Variants in DAZAP1 observed in about 807,000 individuals in gnomAD.
DAZAP1 encodes DAZ associated protein 1.
DAZAP1 carries 6 observed loss-of-function variants against 60.1 expected under a neutral mutation model. That is an observed-to-expected ratio of 0.10 (90% CI 0.05 to 0.20). DAZAP1 has a LOEUF of 0.20. Ranked by LOEUF, DAZAP1 falls within the 10% of genes least tolerant of loss-of-function variation. The probability of loss-of-function intolerance (pLI) is 1.00; values close to 1 mark genes in which losing one functional copy is unlikely to be tolerated. For synonymous variants in DAZAP1, 235 were observed against 215.9 expected (o/e 1.09, Z -0.78); for missense variants, 366 against 560.4 (o/e 0.65, Z 3.50).
chr19:1,434,629 C>T lies in DAZAP1; in HGVS notation c.1049-108C>T. On this transcript the variant is annotated intron_variant, in intron 11 of 11. Coordinates refer to ENST00000233078, the MANE Select transcript of DAZAP1 (RefSeq NM_018959.4). The surrounding 1 kb of genome is among the most constrained non-coding windows in gnomAD (Gnocchi z 8.0). ...AGGGCCCCACCCGCACCCCGTGGGA[C>T]CCGTGGACTCAAGGCAGGCTCGGCG... 8.2e-7 allele frequency: 1 copy of T among 1,220,814 alleles called. No individual in the cohort carries two copies. The highest frequency in any genetic ancestry group is 1.2e-6 in the Non-Finnish European group (1 of 854,166). The allele number at this position is 1,220,814 out of a possible 1,614,324, so 75.6% of individuals were successfully genotyped here.
At chr19:1,424,890 C>T (rs1026369263) in intron 6 of DAZAP1, among the ~76,000 whole-genome samples, 1 of 152,194 alleles carries the variant, frequency 6.6e-6, no homozygotes, top group African/African-American at 2.4e-5. Flanking sequence ...TGCGGTGTCA[C>T]GCTCCACCTA....
rs911395987 is a variant in DAZAP1 at position 1,416,005 on chromosome 19, G to A, written c.30-1495G>A. 6.6e-6 allele frequency: 1 copy of A among 152,178 alleles called. No homozygotes were observed. The highest frequency in any genetic ancestry group is 1.5e-5 in the Non-Finnish European group (1 of 68,038). 9.4% of individuals were successfully genotyped at this position (152,178 alleles called of 1,614,324 possible). ...CAGTCGTTCTTAGGGAAAAAAGAAGGAACAGGGACAAGCTCCTGGCGGTTG... is the reference window on the plus strand; with the variant it reads ...CAGTCGTTCTTAGGGAAAAAAGAAGAAACAGGGACAAGCTCCTGGCGGTTG... On this transcript the variant is annotated intron_variant, in intron 1 of 11. Transcript: ENST00000233078. This position sits in a 1 kb window ranked among gnomAD's most constrained non-coding sequence, Gnocchi z 4.3.
intron 10 of DAZAP1, among the ~76,000 whole-genome samples, chr19:1,430,878 G>A (rs1386256465): frequency 4.6e-5 from 7 of 151,390 alleles, no homozygotes; most frequent in African/African-American, 1.5e-4. Context: ...TCGCCACCAC[G>A]CCCGGCTAAT....
chr19:1,413,435 C>G (rs891229761), intron 1 of DAZAP1, among the ~76,000 whole-genome samples: 2 of 152,224 alleles, frequency 1.3e-5, no homozygotes, highest in Non-Finnish European at 2.9e-5. Context: ...ATTAAAACAT[C>G]CTGAGATTCA....
chr19:1,430,431 A>T, intron 10 of DAZAP1, 69 bp downstream of exon 10: 2 of 1,392,056 alleles, frequency 1.4e-6, no homozygotes, highest in Non-Finnish European at 1.9e-6. Context: ...GGGCGGGGTG[A>T]TGGGGAGTCT....
At chr19:1,429,391 T>C (rs1437629296) in intron 8 of DAZAP1, among the ~76,000 whole-genome samples, 1 of 152,150 alleles carries the variant, frequency 6.6e-6, no homozygotes, top group African/African-American at 2.4e-5. Flanking sequence ...AGGCTTTGGA[T>C]CCTTGCCACC....
intron 4 of DAZAP1, 55 bp from the exon 5 acceptor site, chr19:1,421,093 C>A (rs906111090): frequency 1.0e-5 from 16 of 1,532,408 alleles, no homozygotes; most frequent in Admixed American, 1.7e-5. Context: ...CCGCAGCTCG[C>A]GGGAGGGTTT....
chr19:1,434,942 A>G lies in DAZAP1; in HGVS notation c.*30A>G. 2 of 1,188,182 alleles carry G rather than the reference A, an allele frequency of 1.7e-6. No individual in the cohort carries two copies. Among genetic ancestry groups the G allele is most frequent in the East Asian group, 9.7e-5 (2 of 20,650 alleles). The allele number at this position is 1,188,182 out of a possible 1,614,324, so 73.6% of individuals were successfully genotyped here. A position where few individuals can be genotyped will look rare whatever the true frequency, so the allele number is the denominator to read the frequency against. On this transcript the variant is annotated 3_prime_UTR_variant, in exon 12 of 12. Coordinates refer to ENST00000233078, the MANE Select transcript of DAZAP1 (RefSeq NM_018959.4). The surrounding 1 kb of genome is among the most constrained non-coding windows in gnomAD (Gnocchi z 8.0). Reference sequence around the variant, plus strand: ...CGGCGCCGCGACGTCTGCACGGCCCAGACCCAGGATTCCAAACTTGTGAAC... The same window carrying G: ...CGGCGCCGCGACGTCTGCACGGCCCGGACCCAGGATTCCAAACTTGTGAAC...
Position 1,418,708 on chromosome 19 carries a change from A to G in DAZAP1, c.280A>G (p.Arg94Gly). ...CACACCCCGGGGGATGCAGCCGGAG[A>G]GAACACGGCCGAAGGAAGGATGGGT... The part of the protein sequence containing the change: ...PCTPRGMQPE[R>G]TRPKEGWQKG... Residue 94 changes from arginine to glycine, a missense_variant, in exon 4 of 12, where the codon AGA (arginine) becomes GGA (glycine). Physicochemically the swap from Arg to Gly is moderately radical, Grantham distance 125 (BLOSUM62 -2). Coordinates refer to ENST00000233078, the MANE Select transcript of DAZAP1 (RefSeq NM_018959.4). The surrounding 1 kb of genome is among the most constrained non-coding windows in gnomAD (Gnocchi z 5.7). 6.2e-7 allele frequency: 1 copy of G among 1,613,094 alleles called. No individual in the cohort carries two copies. The highest frequency in any genetic ancestry group is 8.5e-7 in the Non-Finnish European group (1 of 1,179,492).
In DAZAP1 at chr19:1,425,124, G is replaced by A. The variant is rs904567727; in HGVS notation, c.464-754G>A. Among the ~76,000 whole-genome samples the A allele has an allele frequency of 6.6e-6, 1 of 152,210 alleles. No homozygotes were observed. Among genetic ancestry groups the A allele is most frequent in the African/African-American group, 2.4e-5 (1 of 41,450 alleles). On this transcript the variant is annotated intron_variant, in intron 6 of 11. Transcript: ENST00000233078. The surrounding 1 kb of genome is among the most constrained non-coding windows in gnomAD (Gnocchi z 5.4). ...AGCAGAGTCTGACCTGCTGGAACCC[G>A]TTGTGGCCTGTATCTTTGTGCATTG...
Position 1,407,728 on chromosome 19 carries a change from C to T in DAZAP1, c.-46C>T, listed in dbSNP as rs1446455900. The T allele has an allele frequency of 2.8e-6, 3 of 1,072,018 alleles. No individual in the cohort carries two copies. Among genetic ancestry groups the T allele is most frequent in the Middle Eastern group, 4.1e-4 (1 of 2,426 alleles). 66.4% of individuals were successfully genotyped at this position (1,072,018 alleles called of 1,614,324 possible). On this transcript the variant is annotated 5_prime_UTR_variant, in exon 1 of 12. Transcript: ENST00000233078. Reference sequence around the variant, plus strand: ...GCGGGTGACCTTCCGGAGGCGGGAGCGAGCGAGGAGGCCCGGGAGCGCCGA... The same window carrying T: ...GCGGGTGACCTTCCGGAGGCGGGAGTGAGCGAGGAGGCCCGGGAGCGCCGA...
At chr19:1,410,439 C>T (rs954048578) in intron 1 of DAZAP1, among the ~76,000 whole-genome samples, 1 of 152,142 alleles carries the variant, frequency 6.6e-6, no homozygotes, top group African/African-American at 2.4e-5. Context: ...ACTGACCTGT[C>T]AGGAGGGTTA....
chr19:1,422,274 A>T lies in DAZAP1; in HGVS notation c.415-74A>T, dbSNP rs563579624. 3.8e-5 allele frequency: 54 copies of T among 1,411,704 alleles called. No homozygotes were observed. In the African/African-American group the frequency reaches 5.0e-4, roughly 13 times the overall value. The allele number at this position is 1,411,704 out of a possible 1,614,324, so 87.4% of individuals were successfully genotyped here. ...TGTGCGAGAGTTTGGGTTCGTGGGA[A>T]CAGGCTGTGCCCTCGGAAGACCACC... On this transcript the variant is annotated intron_variant, in intron 5 of 11. Transcript: ENST00000233078. The surrounding 1 kb of genome is among the most constrained non-coding windows in gnomAD (Gnocchi z 4.5).
chr19:1,434,084 G>A lies in DAZAP1; in HGVS notation c.1049-653G>A, dbSNP rs1267260689. 7 of 540,924 alleles carry A rather than the reference G, an allele frequency of 1.3e-5. No individual in the cohort carries two copies. The highest frequency in any genetic ancestry group is 3.2e-5 in the Admixed American group (1 of 31,070). The allele number at this position is 540,924 out of a possible 1,614,324, so 33.5% of individuals were successfully genotyped here. A position where few individuals can be genotyped will look rare whatever the true frequency, so the allele number is the denominator to read the frequency against. ...AGGGGCTTCCTGCAAGGTGTGCAGC[G>A]GGGTGGGGAGCGGCGTGAGCAGCTC... On this transcript the variant is annotated intron_variant, in intron 11 of 11. Transcript: ENST00000233078. The surrounding 1 kb of genome is among the most constrained non-coding windows in gnomAD (Gnocchi z 8.0).
chr19:1,430,785 A>G (rs1054872785), intron 10 of DAZAP1, among the ~76,000 whole-genome samples: 3 of 151,684 alleles, frequency 2.0e-5, no homozygotes, highest in African/African-American at 4.8e-5. Flanking sequence ...CAGTGGCGCA[A>G]TCGCGGCTCA....
intron 1 of DAZAP1, among the ~76,000 whole-genome samples, chr19:1,408,031 G>A (rs893390863): frequency 4.0e-5 from 6 of 151,592 alleles, no homozygotes; most frequent in African/African-American, 1.5e-4. Flanking sequence ...TTCCCGTCCT[G>A]GGGGATCCTG....
At chr19:1,408,365 C>T (rs895668249) in intron 1 of DAZAP1, among the ~76,000 whole-genome samples, 1 of 151,826 alleles carries the variant, frequency 6.6e-6, no homozygotes, top group South Asian at 2.1e-4. Flanking sequence ...CGCCGCCTCC[C>T]GGCTTCCTGG....
Position 1,418,638 on chromosome 19 carries a change from C to T in DAZAP1, c.238-28C>T. 4 of 1,613,822 alleles carry T rather than the reference C, an allele frequency of 2.5e-6. No individual in the cohort carries two copies. The highest frequency in any genetic ancestry group is 2.5e-6 in the Non-Finnish European group (3 of 1,179,828). On this transcript the variant is annotated intron_variant, in intron 3 of 11. Transcript: ENST00000233078. This position sits in a 1 kb window ranked among gnomAD's most constrained non-coding sequence, Gnocchi z 5.7. ...TCCTAGAGAAACAGCCTCTTATTCA[C>T]AACCAGCTGATTTGAAATTTCCTGC...
At chr19:1,413,917 C>T (rs141911335) in intron 1 of DAZAP1, among the ~76,000 whole-genome samples, 333 of 152,180 alleles carry the variant, frequency 2.2e-3, no homozygotes, top group African/African-American at 7.7e-3. Context: ...ATCCTCTTGG[C>T]CCTGCCAGAC....
Sources: gnomAD v4.1 joint callset for allele counts (sites outside exome capture counted in the v4.1 genomes callset) on GRCh38, gnomAD v4.1.1 for gene constraint, Gnocchi (gnomAD v3.1) non-coding constraint, MANE v1.5 for transcripts, NCBI Gene and HGNC (gene_info 2026-07-23, HGNC 2026-07-21) for gene names.